CAPZA1: variants seen among roughly 807,000 people sequenced by gnomAD.
The protein encoded by CAPZA1 is capping actin protein of muscle Z-line subunit alpha 1, also known as F-actin-capping protein subunit alpha-1.
A neutral mutation model predicts 40.8 loss-of-function variants in CAPZA1; 10 were observed. That is an observed-to-expected ratio of 0.25 (90% confidence interval 0.15 to 0.42). The LOEUF (loss-of-function observed/expected upper bound fraction) is 0.42. Among genes scored for constraint, CAPZA1 ranks in the 10% least tolerant of loss-of-function variants. The pLI, the probability that CAPZA1 is intolerant of heterozygous loss-of-function variation, is 1.00. For missense variants in CAPZA1, 277 were observed against 353.8 expected (o/e 0.78, Z 1.74); for synonymous variants, 98 against 115.0 (o/e 0.85, Z 0.95).
intron 1 of CAPZA1, among the ~76,000 whole-genome samples, chr1:112,630,873 A>G (rs868268209): frequency 9.8e-5 from 15 of 152,364 alleles, no homozygotes; most frequent in Middle Eastern, 3.4e-3. Flanking sequence ...GAGATTGGAA[A>G]GCCAAGGTGC....
intron 7 of CAPZA1, among the ~76,000 whole-genome samples, chr1:112,664,223 A>G (rs1413764068): frequency 8.1e-6 from 1 of 122,736 alleles, no homozygotes; most frequent in African/African-American, 3.4e-5. Context: ...AGAGCGTGAC[A>G]CTGTCTCAAA....
chr1:112,668,337 ATAACAAACCCAT>A (rs1671767154), intron 8 of CAPZA1, among the ~76,000 whole-genome samples: 1 of 152,218 alleles, frequency 6.6e-6, no homozygotes, highest in Admixed American at 6.5e-5. Flanking sequence ...AAAAATAATG[ATAACAAACCCAT>A]TACTTGTTAA....
chr1:112,638,648 T>C (rs1018721231), intron 1 of CAPZA1, among the ~76,000 whole-genome samples: 21 of 151,824 alleles, frequency 1.4e-4, no homozygotes, highest in African/African-American at 5.1e-4. Context: ...TATGTAAATA[T>C]ATCAGGCCGG....
intron 5 of CAPZA1, among the ~76,000 whole-genome samples, chr1:112,656,440 ATTTTTTTTTT>A (rs56343358): frequency 2.2e-5 from 1 of 45,768 alleles, no homozygotes; most frequent in African/African-American, 8.7e-5. Flanking sequence ...ATTATGTTTG[ATTTTTTTTTT>A]TTTTTTTTTT....
At chr1:112,632,511 G>T (rs1355172623) in intron 1 of CAPZA1, among the ~76,000 whole-genome samples, 1 of 152,112 alleles carries the variant, frequency 6.6e-6, no homozygotes. Flanking sequence ...CAGATATCAA[G>T]GGTGGGCAGA....
At chr1:112,656,038 A>G (rs141776019) in intron 5 of CAPZA1, among the ~76,000 whole-genome samples, 7 of 152,342 alleles carry the variant, frequency 4.6e-5, no homozygotes, top group Admixed American at 4.6e-4. Flanking sequence ...ACATTGTGGA[A>G]TGGCTATATT....
At chr1:112,633,569 T>G (rs566706466) in intron 1 of CAPZA1, among the ~76,000 whole-genome samples, 3 of 152,328 alleles carry the variant, frequency 2.0e-5, no homozygotes, top group South Asian at 2.1e-4. Context: ...GGTGCAGATA[T>G]CTCTCTGACA....
chr1:112,659,137 A>G (rs1356372086), intron 6 of CAPZA1, 36 bp downstream of exon 6: 1 of 1,396,298 alleles, frequency 7.2e-7, no homozygotes, highest in South Asian at 1.2e-5. Context: ...TTACATCTGA[A>G]AGAAACCAGC....
chr1:112,661,816 C>T (rs1671618762), intron 7 of CAPZA1, among the ~76,000 whole-genome samples: 1 of 152,146 alleles, frequency 6.6e-6, no homozygotes, highest in African/African-American at 2.4e-5. Context: ...AAAATACAGC[C>T]CAGTGTACAG....
rs763435391 is a variant in CAPZA1, at chr1:112,653,581, CT to C, written c.156-13del. ...TCTTTTTTTTTTTTTTTTTAAAAAA[CT>C]TTTAAAAAAAAACAGTGCATTTGCC... On this transcript the variant is annotated splice_polypyrimidine_tract_variant and intron_variant, in intron 3 of 9. Transcript: ENST00000263168. 15 of 907,686 alleles carry C rather than the reference CT, an allele frequency of 1.7e-5. No homozygotes were observed. Among genetic ancestry groups the C allele is most frequent in the Admixed American group, 3.5e-5 (1 of 28,432 alleles). 56.2% of individuals were successfully genotyped at this position (907,686 alleles called of 1,614,324 possible).
chr1:112,655,078 T>C (rs1671470657), intron 5 of CAPZA1, among the ~76,000 whole-genome samples: 1 of 152,130 alleles, frequency 6.6e-6, no homozygotes, highest in African/African-American at 2.4e-5. Context: ...TATACTAAGA[T>C]TGTTGAGAGA....
chr1:112,639,789 C>T (rs1173060451), intron 1 of CAPZA1, among the ~76,000 whole-genome samples: 6 of 142,092 alleles, frequency 4.2e-5, no homozygotes, highest in Non-Finnish European at 6.2e-5. Flanking sequence ...AGGTGAGGGG[C>T]GCCTCTGCCC....
At chr1:112,623,402 C>T (rs1016802635) in intron 1 of CAPZA1, among the ~76,000 whole-genome samples, 2 of 152,116 alleles carry the variant, frequency 1.3e-5, no homozygotes, top group African/African-American at 2.4e-5. Flanking sequence ...TAGGACAGGC[C>T]GGGCCCAGTG....
At chr1:112,668,824 C>T (rs1046509760) in intron 8 of CAPZA1, among the ~76,000 whole-genome samples, 1 of 152,218 alleles carries the variant, frequency 6.6e-6, no homozygotes, top group African/African-American at 2.4e-5. Context: ...AGTCATCACA[C>T]ATCATGTAGT....
At chr1:112,660,429 C>T (rs895343617) in intron 7 of CAPZA1, among the ~76,000 whole-genome samples, 19 of 151,890 alleles carry the variant, frequency 1.3e-4, no homozygotes, top group African/African-American at 1.9e-4. Context: ...TACAGGCATG[C>T]GCCATCACGC....
intron 9 of CAPZA1, 76 bp downstream of exon 9, chr1:112,669,681 G>C: frequency 4.6e-6 from 5 of 1,083,904 alleles, no homozygotes; most frequent in Non-Finnish European, 5.6e-6. Context: ...GTTAGGCCTT[G>C]TGTCCTTTAA....
At chr1:112,635,686 T>G (rs1161504015) in intron 1 of CAPZA1, among the ~76,000 whole-genome samples, 1 of 152,018 alleles carries the variant, frequency 6.6e-6, no homozygotes, top group Admixed American at 6.6e-5. Context: ...CATCTGAAAG[T>G]GCTGGGATTA....
In CAPZA1 at chr1:112,670,830, T is replaced by G. The variant is rs1423915726; in HGVS notation, c.*698T>G. Reference sequence around the variant, plus strand: ...TTCTCTCATTGTCTCCTTCCCATCTTAGTACCATTGTAGTTATAAACATCT... The same window carrying G: ...TTCTCTCATTGTCTCCTTCCCATCTGAGTACCATTGTAGTTATAAACATCT... On this transcript the variant is annotated 3_prime_UTR_variant, in exon 10 of 10. Coordinates refer to ENST00000263168, the MANE Select transcript of CAPZA1 (RefSeq NM_006135.3). 6.5e-6 allele frequency: 1 copy of G among 152,688 alleles called. No homozygotes were observed. The highest frequency in any genetic ancestry group is 1.5e-5 in the Non-Finnish European group (1 of 68,048). 9.5% of individuals were successfully genotyped at this position (152,688 alleles called of 1,614,324 possible). A position where few individuals can be genotyped will look rare whatever the true frequency, so the allele number is the denominator to read the frequency against.
At chr1:112,643,708 CCATCAAT>C (rs1671224830) in intron 1 of CAPZA1, among the ~76,000 whole-genome samples, 1 of 152,176 alleles carries the variant, frequency 6.6e-6, no homozygotes, top group South Asian at 2.1e-4. Context: ...CTACCTTGCT[CCATCAAT>C]CACTAGGCCT....
Sources: allele counts gnomAD v4.1 joint callset (sites outside exome capture counted in the v4.1 genomes callset), GRCh38; gene constraint gnomAD v4.1.1; transcripts MANE v1.5; gene names NCBI Gene and HGNC (gene_info 2026-07-23, HGNC 2026-07-21).